The following PRKN variants were observed in gnomAD, a reference collection of about 807,000 sequenced individuals.
PRKN encodes parkin RBR E3 ubiquitin protein ligase, also known as E3 ubiquitin-protein ligase parkin.
A neutral mutation model predicts 59.5 loss-of-function variants in PRKN; 56 were observed. That is an observed-to-expected ratio of 0.94 (90% CI 0.76 to 1.18). The LOEUF is 1.18. Among genes scored for constraint, PRKN ranks in the 50% most tolerant of loss-of-function variants. The pLI is 0.00. For missense variants in PRKN, 657 were observed against 596.4 expected (o/e 1.10, Z -1.06); for synonymous variants, 250 against 222.1 (o/e 1.13, Z -1.12).
In PRKN at chr6:161,551,505, G is replaced by A. The variant is rs1259966842; in HGVS notation, c.934-2502C>T. The stretch of plus-strand genomic sequence containing the variant: ...CTATGAGGCAGGTGAAAACTGAGGA[G>A]GACTCAGGTGTCCCGAAAGCCAAGG... On this transcript the variant is annotated intron_variant, in intron 8 of 11. Transcript: ENST00000366898. The surrounding 1 kb of genome is among the most constrained non-coding windows in gnomAD (Gnocchi z 5.2). Among the ~76,000 whole-genome samples the A allele has an allele frequency of 6.6e-6, 1 of 152,174 alleles. No homozygotes were observed. Among genetic ancestry groups the A allele is most frequent in the Non-Finnish European group, 1.5e-5 (1 of 68,034 alleles).
chr6:162,701,864 TAC>T (rs60401079), intron 1 of PRKN, among the ~76,000 whole-genome samples: 13,581 of 115,644 alleles, frequency 0.12, 708 homozygotes, highest in Middle Eastern at 0.16. Context: ...CATACATACA[TAC>T]ACACACACAC....
intron 1 of PRKN, among the ~76,000 whole-genome samples, chr6:162,514,200 C>T (rs970967792): frequency 2.6e-5 from 4 of 151,728 alleles, no homozygotes; most frequent in Admixed American, 6.6e-5. Flanking sequence ...GGAAACATTT[C>T]TTAAGACTAA....
At chr6:162,063,671 A>C (rs1235460887) in intron 4 of PRKN, among the ~76,000 whole-genome samples, 1 of 151,844 alleles carries the variant, frequency 6.6e-6, no homozygotes, top group South Asian at 2.1e-4. Context: ...CAGCCTTCCA[A>C]GTAGCTAGGA....
intron 6 of PRKN, among the ~76,000 whole-genome samples, chr6:161,952,487 C>T (rs957214209): frequency 3.3e-5 from 5 of 152,054 alleles, no homozygotes; most frequent in Admixed American, 6.6e-5. Flanking sequence ...GGGATGGTGG[C>T]GCACATCTGT....
intron 2 of PRKN, among the ~76,000 whole-genome samples, chr6:162,286,033 G>A (rs762397998): frequency 9.2e-5 from 14 of 152,102 alleles, no homozygotes; most frequent in Non-Finnish European, 8.8e-5. Context: ...AAAATGCAGC[G>A]TGGCAGCATA....
chr6:161,612,051 A>G (rs1782507119), intron 7 of PRKN, among the ~76,000 whole-genome samples: 1 of 152,218 alleles, frequency 6.6e-6, no homozygotes, highest in Non-Finnish European at 1.5e-5. Flanking sequence ...CTTCAATTCT[A>G]TGAAGGCTGA....
chr6:161,695,990 A>G (rs1786005756), intron 7 of PRKN, among the ~76,000 whole-genome samples: 1 of 152,202 alleles, frequency 6.6e-6, no homozygotes, highest in Non-Finnish European at 1.5e-5. Flanking sequence ...ATGCATTCTC[A>G]TATCTGCATA....
chr6:162,340,166 C>A (rs1031133916), intron 2 of PRKN, among the ~76,000 whole-genome samples: 3 of 148,376 alleles, frequency 2.0e-5, no homozygotes, highest in Non-Finnish European at 4.4e-5. Flanking sequence ...AAAAAGTAGT[C>A]TCTGATTTTT....
At chr6:162,005,273 A>C (rs1782205383) in intron 5 of PRKN, among the ~76,000 whole-genome samples, 3 of 152,230 alleles carry the variant, frequency 2.0e-5, no homozygotes, top group Non-Finnish European at 4.4e-5. Context: ...AATAAAAGAA[A>C]TAAAGTATAG....
Position 161,357,592 on chromosome 6 carries a change from G to GA in PRKN, c.1285+2495dup, listed in dbSNP as rs1343577443. 2.0e-5 allele frequency among the ~76,000 whole-genome samples: 3 copies of GA among 152,178 alleles called. No homozygotes were observed. The highest frequency in any genetic ancestry group is 2.9e-5 in the Non-Finnish European group (2 of 68,032). On this transcript the variant is annotated intron_variant, in intron 11 of 11. Coordinates refer to ENST00000366898, the MANE Select transcript of PRKN (RefSeq NM_004562.3). This position sits in a 1 kb window ranked among gnomAD's most constrained non-coding sequence, Gnocchi z 5.5. Reference sequence around the variant, plus strand: ...TTATACGTCACACATGTTTATTACAGAAAAGCATAAAAAGAAATAAAGTCC... The same window carrying GA: ...TTATACGTCACACATGTTTATTACAGAAAAAGCATAAAAAGAAATAAAGTCC...
At chr6:161,827,540 C>T (rs1405814610) in intron 6 of PRKN, among the ~76,000 whole-genome samples, 1 of 126,304 alleles carries the variant, frequency 7.9e-6, no homozygotes, top group Non-Finnish European at 1.6e-5. Flanking sequence ...GACAGAGTCT[C>T]AATCTGTCAC....
At chr6:161,927,492 A>AT (rs1491382935) in intron 6 of PRKN, among the ~76,000 whole-genome samples, 9 of 152,346 alleles carry the variant, frequency 5.9e-5, no homozygotes, top group South Asian at 4.1e-4. Flanking sequence ...AGCAAAGATG[A>AT]TAATAGAGTC....
At chr6:161,536,454 A>C (rs917852845) in intron 9 of PRKN, among the ~76,000 whole-genome samples, 2 of 151,962 alleles carry the variant, frequency 1.3e-5, no homozygotes, top group African/African-American at 4.8e-5. Flanking sequence ...TTAGCAAGAG[A>C]AAGGGGGAGA....
intron 1 of PRKN, among the ~76,000 whole-genome samples, chr6:162,494,236 C>T (rs79632590): frequency 0.014 from 2,062 of 152,280 alleles, 18 homozygotes; most frequent in Middle Eastern, 0.034. Context: ...CTGTTGTCAT[C>T]TACAGCCTGG....
chr6:162,635,573 T>G (rs1777676501), intron 1 of PRKN, among the ~76,000 whole-genome samples: 1 of 139,440 alleles, frequency 7.2e-6, no homozygotes, highest in Non-Finnish European at 1.5e-5. Flanking sequence ...TTTCATCTTG[T>G]TATTAAGTTT....
intron 1 of PRKN, among the ~76,000 whole-genome samples, chr6:162,536,912 T>C (rs1464937487): frequency 2.6e-5 from 4 of 152,344 alleles, no homozygotes; most frequent in South Asian, 2.1e-4. Context: ...TGTAAGTCTA[T>C]ACATATATGC....
intron 6 of PRKN, among the ~76,000 whole-genome samples, chr6:161,831,878 C>A (rs1792512680): frequency 6.6e-6 from 1 of 152,194 alleles, no homozygotes; most frequent in South Asian, 2.1e-4. Flanking sequence ...CAAGTCCCTG[C>A]AGAGAAGGCT....
intron 1 of PRKN, among the ~76,000 whole-genome samples, chr6:162,649,771 C>T (rs571524205): frequency 6.6e-6 from 1 of 152,064 alleles, no homozygotes. Flanking sequence ...AGAACTGGAA[C>T]CTGCCAGCCC....
intron 7 of PRKN, among the ~76,000 whole-genome samples, chr6:161,762,556 G>A (rs4537112): frequency 0.02 from 2,998 of 152,246 alleles, 68 homozygotes; most frequent in South Asian, 0.071. Context: ...TGTATCCACT[G>A]AACGTATTTA....
Sources: gnomAD v4.1 joint callset for allele counts (sites outside exome capture counted in the v4.1 genomes callset) on GRCh38, gnomAD v4.1.1 for gene constraint, Gnocchi (gnomAD v3.1) non-coding constraint, MANE v1.5 for transcripts, NCBI Gene and HGNC (gene_info 2026-07-23, HGNC 2026-07-21) for gene names.